SORL1: variants seen among roughly 807,000 people sequenced by gnomAD.
SORL1 encodes the protein sortilin-related receptor.
A neutral mutation model predicts 273.7 loss-of-function variants in SORL1; 127 were observed. The observed-to-expected ratio is 0.46, with a 90% CI of 0.40 to 0.54. SORL1 has a LOEUF of 0.54. Among genes scored for constraint, SORL1 ranks in the 20% least tolerant of loss-of-function variants. The pLI is 0.00. For missense variants in SORL1, 2,494 were observed against 2,846.1 expected, an observed-to-expected ratio of 0.88 and a Z score of 2.81; for synonymous variants, 1,031 against 1,067.4, an observed-to-expected ratio of 0.97 and a Z score of 0.66.
intron 21 of SORL1, among the ~76,000 whole-genome samples, chr11:121,564,585 G>T (rs1188822294): frequency 6.6e-6 from 1 of 151,762 alleles, no homozygotes; most frequent in East Asian, 1.9e-4. Flanking sequence ...TTGTTTGTTT[G>T]TTTGTTTTTG....
chr11:121,595,529 A>G lies in SORL1; in HGVS notation c.4370-94A>G, dbSNP rs1454520860. 2 of 1,144,530 alleles carry G rather than the reference A, an allele frequency of 1.7e-6. No homozygotes were observed. The highest frequency in any genetic ancestry group is 3.1e-5 in the African/African-American group (2 of 64,422). 70.9% of individuals were successfully genotyped at this position (1,144,530 alleles called of 1,614,324 possible). Reference sequence around the variant, plus strand: ...TCTTCAGGTTCCCATTGTAATTTCTAAAGCACCGTAATCTCCTAGCATATT... The same window carrying G: ...TCTTCAGGTTCCCATTGTAATTTCTGAAGCACCGTAATCTCCTAGCATATT... On this transcript the variant is annotated intron_variant, in intron 31 of 47. Coordinates refer to ENST00000260197, the MANE Select transcript of SORL1 (RefSeq NM_003105.6). This position sits in a 1 kb window ranked among gnomAD's most constrained non-coding sequence, Gnocchi z 5.1.
intron 3 of SORL1, 84 bp downstream of exon 3, chr11:121,478,327 A>T: frequency 1.4e-6 from 2 of 1,455,928 alleles, no homozygotes; most frequent in African/African-American, 2.8e-5. Flanking sequence ...GTGCTAGGAG[A>T]TGGCGCTCTC....
intron 32 of SORL1, among the ~76,000 whole-genome samples, chr11:121,602,733 T>C (rs1228156324): frequency 6.6e-6 from 1 of 152,210 alleles, no homozygotes; most frequent in East Asian, 1.9e-4. Flanking sequence ...AACATAACTT[T>C]GTTACTTGTG....
rs1193596897 is a variant in SORL1 at position 121,621,194 on chromosome 11, A to G, written c.6020A>G (p.Gln2007Arg). ...EPGGKYHIIVQLGNMSKDSSI... is the reference protein window; with the variant it reads ...EPGGKYHIIVRLGNMSKDSSI... ...GGCGGGAAATACCACATCATTGTCC[A>G]ACTGGGGAACATGAGCAAAGATTCC... is the stretch of plus-strand genomic sequence containing the variant. Residue 2007 changes from glutamine to arginine, a missense_variant, in exon 44 of 48, where the codon CAA becomes CGA. Transcript: ENST00000260197. 4 of 1,614,200 alleles carry G rather than the reference A, an allele frequency of 2.5e-6. No homozygotes were observed. Among genetic ancestry groups the G allele is most frequent in the Admixed American group, 3.3e-5 (2 of 60,030 alleles).
chr11:121,597,621 C>T (rs1460148593), intron 32 of SORL1, among the ~76,000 whole-genome samples: 1 of 152,088 alleles, frequency 6.6e-6, no homozygotes, highest in Non-Finnish European at 1.5e-5. Flanking sequence ...GGCACCATGC[C>T]TGGCTAATTT....
Position 121,496,897 on chromosome 11 carries a change from A to G in SORL1, c.787A>G (p.Thr263Ala). ...AATTGATCCCTATGACAAACCAAAT[A>G]CCATCTACATTGAACGACATGAACC... ...WGIDPYDKPNTIYIERHEPSG... is the reference protein window; with the variant it reads ...WGIDPYDKPNAIYIERHEPSG... Residue 263 changes from threonine to alanine, a missense_variant, in exon 6 of 48, where the codon ACC becomes GCC. Physicochemically the swap from Thr to Ala is moderately conservative, Grantham distance 58 (BLOSUM62 0). Around this residue, in one of 3 missense-constraint regions of SORL1, gnomAD observed 710 missense variants for 882.5 expected, o/e 0.80. Transcript: ENST00000260197. 1.2e-6 allele frequency: 2 copies of G among 1,612,954 alleles called. No homozygotes were observed. Among genetic ancestry groups the G allele is most frequent in the Non-Finnish European group, 1.7e-6 (2 of 1,179,600 alleles).
chr11:121,543,196 A>G, intron 12 of SORL1, among the ~76,000 whole-genome samples: 1 of 149,636 alleles, frequency 6.7e-6, no homozygotes, highest in Non-Finnish European at 1.5e-5. Flanking sequence ...ATCTCAAAAA[A>G]AAAGAAAAAA....
At chr11:121,546,633 C>A in intron 14 of SORL1, among the ~76,000 whole-genome samples, 1 of 152,170 alleles carries the variant, frequency 6.6e-6, no homozygotes, top group East Asian at 1.9e-4. Flanking sequence ...GGAACATGGT[C>A]ATATAGTAAA....
chr11:121,573,945 TC>T (rs1382028501), intron 23 of SORL1, among the ~76,000 whole-genome samples: 1 of 152,204 alleles, frequency 6.6e-6, no homozygotes, highest in Non-Finnish European at 1.5e-5. Flanking sequence ...TCTGAAGGGA[TC>T]TTAGGAGGTC....
At chr11:121,455,282 C>A (rs938482147) in intron 1 of SORL1, among the ~76,000 whole-genome samples, 1 of 152,108 alleles carries the variant, frequency 6.6e-6, no homozygotes, top group Admixed American at 6.5e-5. Flanking sequence ...TGACATGCAG[C>A]GCATGGGAGA....
rs181387938 is a variant in SORL1, at chr11:121,529,509, G to A, written c.1597-2955G>A. 2.1e-3 allele frequency among the ~76,000 whole-genome samples: 314 copies of A among 152,246 alleles called. 1 individual carries two copies. Among genetic ancestry groups the A allele is most frequent in the African/African-American group, 6.6e-3 (273 of 41,550 alleles). Reference sequence around the variant, plus strand: ...TGGGGTTACAGGTGTGAGATACCACGCCCAGCCCTGGATAGTACATCTTTT... The same window carrying A: ...TGGGGTTACAGGTGTGAGATACCACACCCAGCCCTGGATAGTACATCTTTT... On this transcript the variant is annotated intron_variant, in intron 11 of 47. Coordinates refer to ENST00000260197, the MANE Select transcript of SORL1 (RefSeq NM_003105.6).
chr11:121,465,561 T>C (rs1861069701), intron 1 of SORL1, among the ~76,000 whole-genome samples: 1 of 151,646 alleles, frequency 6.6e-6, no homozygotes, highest in African/African-American at 2.4e-5. Context: ...GGAGTCTCGC[T>C]CTGTCGCCCA....
chr11:121,552,925 C>T (rs1349089028), intron 16 of SORL1, among the ~76,000 whole-genome samples: 1 of 152,210 alleles, frequency 6.6e-6, no homozygotes, highest in Admixed American at 6.5e-5. Context: ...CTTGTGTCCA[C>T]TCCTGGGGAA....
intron 14 of SORL1, 120 bp downstream of exon 14, chr11:121,545,549 T>C (rs1862413162): frequency 1.1e-6 from 1 of 898,382 alleles, no homozygotes; most frequent in East Asian, 2.6e-5. Flanking sequence ...AGGAAACAAG[T>C]ATTTGTGAAG....
At chr11:121,484,082 A>G (rs1480108747) in intron 3 of SORL1, among the ~76,000 whole-genome samples, 2 of 152,176 alleles carry the variant, frequency 1.3e-5, no homozygotes. Flanking sequence ...GTGCAATGTC[A>G]AACAGGCCCG....
intron 6 of SORL1, among the ~76,000 whole-genome samples, chr11:121,497,324 T>C (rs535914262): frequency 5.5e-4 from 84 of 152,304 alleles, no homozygotes; most frequent in African/African-American, 1.8e-3. Flanking sequence ...CCAAGCATCC[T>C]TGACAAAGAC....
intron 5 of SORL1, among the ~76,000 whole-genome samples, chr11:121,495,594 C>T (rs1482189365): frequency 1.3e-5 from 2 of 152,156 alleles, no homozygotes; most frequent in African/African-American, 4.8e-5. Context: ...TCTGTATTCT[C>T]ACTACAAGAC....
intron 31 of SORL1, 113 bp downstream of exon 31, chr11:121,591,269 C>T (rs1461674667): frequency 2.7e-6 from 3 of 1,104,708 alleles, no homozygotes; most frequent in Non-Finnish European, 4.0e-6. Context: ...GTCTGGGACT[C>T]TGCTGTGTGG....
intron 3 of SORL1, among the ~76,000 whole-genome samples, chr11:121,486,630 C>A (rs1045111628): frequency 1.4e-4 from 21 of 152,058 alleles, no homozygotes; most frequent in Admixed American, 2.6e-4. Context: ...CAGGCCCCCA[C>A]CACCATGCCC....
Sources: allele counts gnomAD v4.1 joint callset (sites outside exome capture counted in the v4.1 genomes callset), GRCh38; gene constraint gnomAD v4.1.1; regional missense constraint gnomAD v4.1.1; non-coding constraint Gnocchi (gnomAD v3.1); transcripts MANE v1.5; gene names NCBI Gene and HGNC (gene_info 2026-07-23, HGNC 2026-07-21).